The following UBE2E2 variants were observed in gnomAD, a reference collection of about 807,000 sequenced individuals.
The protein encoded by UBE2E2 is ubiquitin-conjugating enzyme E2 E2.
UBE2E2 carries 6 observed loss-of-function variants against 24.7 expected under a neutral mutation model. That is an observed-to-expected ratio of 0.24 (90% confidence interval 0.13 to 0.48). The LOEUF is 0.48. UBE2E2 is among the 20% of genes least tolerant of loss of function. The pLI is 0.99. For synonymous variants in UBE2E2, 104 were observed against 83.6 expected (o/e 1.24, Z -1.33); for missense variants, 169 against 245.0 (o/e 0.69, Z 2.07).
intron 3 of UBE2E2, among the ~76,000 whole-genome samples, chr3:23,347,039 T>A (rs1323645265): frequency 6.6e-6 from 1 of 152,204 alleles, no homozygotes; most frequent in African/African-American, 2.4e-5. Flanking sequence ...TCCATTTTTG[T>A]CATGCTACTT....
At chr3:23,345,522 T>C (rs35902312) in intron 3 of UBE2E2, among the ~76,000 whole-genome samples, 9,158 of 152,256 alleles carry the variant, frequency 0.06, 445 homozygotes, top group Non-Finnish European at 0.087. Flanking sequence ...CCAACACCTC[T>C]TAAGTATTAC....
chr3:23,466,881 T>C (rs934848904), intron 3 of UBE2E2, among the ~76,000 whole-genome samples: 5 of 152,200 alleles, frequency 3.3e-5, no homozygotes, highest in African/African-American at 1.2e-4. Flanking sequence ...CAGAGTCTTA[T>C]TTCCTTATTT....
At chr3:23,432,927 G>A (rs1698097076) in intron 3 of UBE2E2, among the ~76,000 whole-genome samples, 1 of 151,680 alleles carries the variant, frequency 6.6e-6, no homozygotes, top group African/African-American at 2.4e-5. Context: ...TAGACACTTC[G>A]ATATCATGAT....
At chr3:23,236,100 A>C (rs1338987290) in intron 3 of UBE2E2, among the ~76,000 whole-genome samples, 1 of 152,116 alleles carries the variant, frequency 6.6e-6, no homozygotes, top group African/African-American at 2.4e-5. Context: ...AGTCCTAAGG[A>C]GTTTGCCATC....
At chr3:23,352,974 A>AC (rs1695805515) in intron 3 of UBE2E2, among the ~76,000 whole-genome samples, 1 of 152,220 alleles carries the variant, frequency 6.6e-6, no homozygotes, top group African/African-American at 2.4e-5. Context: ...ACATTGATGC[A>AC]AAAATCCTCA....
At chr3:23,491,630 G>T (rs1699498060) in intron 3 of UBE2E2, among the ~76,000 whole-genome samples, 1 of 152,200 alleles carries the variant, frequency 6.6e-6, no homozygotes, top group Non-Finnish European at 1.5e-5. Flanking sequence ...GGAGCTTTGG[G>T]ATGGCAAGGG....
rs1312640495 is a variant in UBE2E2, at chr3:23,474,184, C to A, written c.228-25424C>A. On this transcript the variant is annotated intron_variant, in intron 3 of 5. Coordinates refer to ENST00000396703, the MANE Select transcript of UBE2E2 (RefSeq NM_152653.4). The surrounding 1 kb of genome is among the most constrained non-coding windows in gnomAD (Gnocchi z 4.0). ...ATATGTTTGTTGGCCATTTTTATATCTTCTTTTGAGAATTGTCTATTCATG... is the reference window on the plus strand; with the variant it reads ...ATATGTTTGTTGGCCATTTTTATATATTCTTTTGAGAATTGTCTATTCATG... Among the ~76,000 whole-genome samples, 1 of 151,830 alleles carries A rather than the reference C, an allele frequency of 6.6e-6. No homozygotes were observed. The highest frequency in any genetic ancestry group is 2.4e-5 in the African/African-American group (1 of 41,248).
Position 23,498,982 on chromosome 3 carries a change from G to A in UBE2E2, c.228-626G>A, listed in dbSNP as rs1216120050. Among the ~76,000 whole-genome samples, 3 of 152,124 alleles carry A rather than the reference G, an allele frequency of 2.0e-5. No homozygotes were observed. The East Asian group carries it at 5.8e-4, about 29-fold the overall frequency. On this transcript the variant is annotated intron_variant, in intron 3 of 5. Coordinates refer to ENST00000396703, the MANE Select transcript of UBE2E2 (RefSeq NM_152653.4). ...CATCATCCAACATACTGACTTAAGA[G>A]GCACTAAGGACAAGGTACAACCTGT...
At chr3:23,355,831 C>T (rs1303734972) in intron 3 of UBE2E2, among the ~76,000 whole-genome samples, 1 of 152,180 alleles carries the variant, frequency 6.6e-6, no homozygotes, top group Admixed American at 6.5e-5. Flanking sequence ...TGTGTATTTA[C>T]TGAGCATATA....
intron 3 of UBE2E2, among the ~76,000 whole-genome samples, chr3:23,477,293 A>G (rs1699159637): frequency 1.3e-5 from 2 of 152,240 alleles, no homozygotes; most frequent in Admixed American, 6.5e-5. Flanking sequence ...TTGAAATAGA[A>G]AAATGCAACT....
intron 4 of UBE2E2, among the ~76,000 whole-genome samples, chr3:23,510,180 A>G (rs1336496640): frequency 6.6e-6 from 1 of 152,264 alleles, no homozygotes; most frequent in Admixed American, 6.5e-5. Flanking sequence ...GAGAAGAGTC[A>G]GTACATGATC....
At chr3:23,470,338 GA>G (rs1699009029) in intron 3 of UBE2E2, among the ~76,000 whole-genome samples, 1 of 152,182 alleles carries the variant, frequency 6.6e-6, no homozygotes, top group Admixed American at 6.5e-5. Context: ...TCCGGGGTTT[GA>G]CAGACAGGTC....
intron 3 of UBE2E2, among the ~76,000 whole-genome samples, chr3:23,275,475 C>T (rs1698355909): frequency 6.6e-6 from 1 of 152,100 alleles, no homozygotes; most frequent in South Asian, 2.1e-4. Flanking sequence ...TGTTTCTGGC[C>T]ACCTGAAGGA....
intron 3 of UBE2E2, among the ~76,000 whole-genome samples, chr3:23,309,363 A>T (rs1699316487): frequency 6.6e-6 from 1 of 152,228 alleles, no homozygotes; most frequent in South Asian, 2.1e-4. Flanking sequence ...CACATAACAT[A>T]GTTACAATAG....
At chr3:23,235,766 G>T (rs1326186307) in intron 3 of UBE2E2, among the ~76,000 whole-genome samples, 2 of 152,130 alleles carry the variant, frequency 1.3e-5, no homozygotes, top group South Asian at 2.1e-4. Context: ...GTTTGAGTCT[G>T]TTGGGGAAAT....
At chr3:23,307,888 A>AT (rs2125272942) in intron 3 of UBE2E2, among the ~76,000 whole-genome samples, 1 of 152,330 alleles carries the variant, frequency 6.6e-6, no homozygotes, top group East Asian at 1.9e-4. Flanking sequence ...GTAAGCAGTA[A>AT]TTCACAATTT....
chr3:23,485,882 C>A (rs184731567), intron 3 of UBE2E2, among the ~76,000 whole-genome samples: 213 of 152,342 alleles, frequency 1.4e-3, no homozygotes, highest in Non-Finnish European at 2.0e-3. Flanking sequence ...GAAACTCTTA[C>A]TGTTTCCATG....
chr3:23,333,376 A>AT (rs1319017533), intron 3 of UBE2E2, among the ~76,000 whole-genome samples: 1 of 152,120 alleles, frequency 6.6e-6, no homozygotes, highest in African/African-American at 2.4e-5. Flanking sequence ...AGCCTTGGTT[A>AT]TTTTTTTCTT....
intron 3 of UBE2E2, among the ~76,000 whole-genome samples, chr3:23,315,598 A>G (rs1055439198): frequency 6.6e-6 from 1 of 152,006 alleles, no homozygotes; most frequent in African/African-American, 2.4e-5. Context: ...CCTCTCCGAG[A>G]TTGGTCTCTG....
Sources: gnomAD v4.1 joint callset for allele counts (sites outside exome capture counted in the v4.1 genomes callset) on GRCh38, gnomAD v4.1.1 for gene constraint, Gnocchi (gnomAD v3.1) non-coding constraint, MANE v1.5 for transcripts, NCBI Gene and HGNC (gene_info 2026-07-23, HGNC 2026-07-21) for gene names.